DACH2: variants seen among roughly 807,000 people sequenced by gnomAD.
DACH2 encodes the protein dachshund homolog 2.
A neutral mutation model predicts 35.8 loss-of-function variants in DACH2; 17 were observed. The observed-to-expected ratio is 0.48, with a 90% CI of 0.33 to 0.71. The LOEUF is 0.71. DACH2 is among the 30% of genes least tolerant of loss of function. DACH2 has a pLI of 0.02. For synonymous variants in DACH2, 195 were observed against 177.3 expected, an observed-to-expected ratio of 1.10 and a Z score of -0.79; for missense variants, 469 against 472.7, an observed-to-expected ratio of 0.99 and a Z score of 0.07.
intron 2 of DACH2, among the ~76,000 whole-genome samples, chrX:86,433,257 C>T (rs866887402): frequency 9.0e-6 from 1 of 111,643 alleles, no homozygotes; most frequent in African/African-American, 3.2e-5. Context: ...AACGTCAACC[C>T]TCATCAATGA....
intron 3 of DACH2, among the ~76,000 whole-genome samples, chrX:86,650,201 T>C (rs1042114982): frequency 9.0e-6 from 1 of 110,595 alleles, no homozygotes; most frequent in Non-Finnish European, 1.9e-5. Flanking sequence ...CACCTTTTTA[T>C]ACCATTATGC....
At chrX:86,278,337 A>T (rs1224565087) in intron 1 of DACH2, among the ~76,000 whole-genome samples, 1 of 111,813 alleles carries the variant, frequency 8.9e-6, no homozygotes, top group Non-Finnish European at 1.9e-5. Context: ...CTCATCTGCC[A>T]TGTTTATCTG....
intron 6 of DACH2, among the ~76,000 whole-genome samples, chrX:86,716,219 G>C (rs776201601): frequency 8.9e-6 from 1 of 111,767 alleles, no homozygotes; most frequent in Admixed American, 9.5e-5. Flanking sequence ...TAATGGATTA[G>C]TCTATCCTAA....
intron 1 of DACH2, among the ~76,000 whole-genome samples, chrX:86,250,036 A>T (rs1290674632): frequency 9.1e-6 from 1 of 110,383 alleles, no homozygotes; most frequent in Non-Finnish European, 1.9e-5. Flanking sequence ...AACAACAGAC[A>T]CCTGGGCCTA....
chrX:86,503,185 A>G (rs1157018860), intron 2 of DACH2, among the ~76,000 whole-genome samples: 1 of 112,004 alleles, frequency 8.9e-6, no homozygotes, highest in Non-Finnish European at 1.9e-5. Flanking sequence ...CCCATATTTG[A>G]GGATAAATGT....
chrX:86,753,084 C>A (rs971140888), intron 7 of DACH2, among the ~76,000 whole-genome samples: 1 of 109,219 alleles, frequency 9.2e-6, no homozygotes, highest in Non-Finnish European at 1.9e-5. Flanking sequence ...ACATACACCC[C>A]GACACACACA....
chrX:86,819,670 G>T (rs904176614), intron 11 of DACH2, among the ~76,000 whole-genome samples: 1 of 111,512 alleles, frequency 9.0e-6, no homozygotes, highest in Admixed American at 9.5e-5. Context: ...CACAGTTTTT[G>T]CAAGCTTAGC....
At chrX:86,361,722 C>T (rs964342791) in intron 1 of DACH2, among the ~76,000 whole-genome samples, 41 of 111,423 alleles carry the variant, frequency 3.7e-4, no homozygotes, top group Non-Finnish European at 2.5e-4. Context: ...AATATCTTAA[C>T]ATGGTGTGCA....
At chrX:86,286,047 T>C (rs2147990412) in intron 1 of DACH2, among the ~76,000 whole-genome samples, 1 of 110,022 alleles carries the variant, frequency 9.1e-6, no homozygotes, top group African/African-American at 3.3e-5. Flanking sequence ...TGTGTCTTTA[T>C]AGGTGAAGTG....
chrX:86,656,645 G>C (rs1207599823), intron 4 of DACH2, among the ~76,000 whole-genome samples: 1 of 108,744 alleles, frequency 9.2e-6, no homozygotes, highest in East Asian at 2.9e-4. Flanking sequence ...ATAGTTACCA[G>C]ACTTCAGATT....
chrX:86,688,972 G>T (rs889125726), intron 4 of DACH2, among the ~76,000 whole-genome samples: 2 of 111,055 alleles, frequency 1.8e-5, no homozygotes, highest in Non-Finnish European at 3.8e-5. Flanking sequence ...ATAGCCACAG[G>T]TGACTAGTGG....
At chrX:86,506,442 G>A (rs1409959654) in intron 2 of DACH2, among the ~76,000 whole-genome samples, 1 of 111,477 alleles carries the variant, frequency 9.0e-6, no homozygotes, top group Non-Finnish European at 1.9e-5. Context: ...CACCCAGGCT[G>A]GAGTGCAGTG....
chrX:86,154,218 G>A (rs1480037453), intron 1 of DACH2, among the ~76,000 whole-genome samples: 3 of 111,331 alleles, frequency 2.7e-5, no homozygotes, highest in Non-Finnish European at 5.7e-5. Context: ...TAGCTATCCA[G>A]TGGCACTTTA....
intron 1 of DACH2, among the ~76,000 whole-genome samples, chrX:86,280,732 A>AGC (rs2034009590): frequency 2.7e-5 from 3 of 110,251 alleles, no homozygotes; most frequent in African/African-American, 9.9e-5. Context: ...ACACACATAC[A>AGC]CTCAAAATAA....
chrX:86,339,294 GT>G (rs1296474597), intron 1 of DACH2, among the ~76,000 whole-genome samples: 1 of 111,887 alleles, frequency 8.9e-6, no homozygotes, highest in Non-Finnish European at 1.9e-5. Flanking sequence ...TTATAGAATT[GT>G]TTCTCAAGAG....
At chrX:86,470,314 A>G (rs1424421100) in intron 2 of DACH2, among the ~76,000 whole-genome samples, 1 of 111,608 alleles carries the variant, frequency 9.0e-6, no homozygotes, top group African/African-American at 3.2e-5. Context: ...ATTTTCAATG[A>G]TTTTCTTGCC....
At chrX:86,595,881 C>T (rs1476130903) in intron 3 of DACH2, among the ~76,000 whole-genome samples, 2 of 110,444 alleles carry the variant, frequency 1.8e-5, no homozygotes, top group African/African-American at 6.6e-5. Context: ...AGTGAAACCC[C>T]ATACTCATTA....
intron 3 of DACH2, among the ~76,000 whole-genome samples, chrX:86,529,707 C>CAA (rs2038685857): frequency 9.3e-6 from 1 of 107,037 alleles, no homozygotes; most frequent in Non-Finnish European, 1.9e-5. Flanking sequence ...CTCCTGACCT[C>CAA]GTGATCCACC....
intron 7 of DACH2, among the ~76,000 whole-genome samples, chrX:86,778,161 G>T (rs774325861): frequency 9.0e-6 from 1 of 111,271 alleles, no homozygotes; most frequent in East Asian, 2.8e-4. Flanking sequence ...ACCCAGTATT[G>T]GTATAGCTGG....
Sources: allele counts gnomAD v4.1 joint callset (sites outside exome capture counted in the v4.1 genomes callset), GRCh38; gene constraint gnomAD v4.1.1; transcripts MANE v1.5; gene names NCBI Gene and HGNC (gene_info 2026-07-23, HGNC 2026-07-21).